CTNNA3: variants seen among roughly 807,000 people sequenced by gnomAD.
The protein encoded by CTNNA3 is catenin alpha-3.
In CTNNA3, 76 loss-of-function variants were observed where a neutral mutation model predicts 95.7. The ratio of observed to expected loss-of-function variants is 0.79; its 90% confidence interval spans 0.66 to 0.96. The LOEUF (loss-of-function observed/expected upper bound fraction) is 0.96, where lower values mean the gene tolerates loss of function less well. Among genes scored for constraint, CTNNA3 ranks in the 40% least tolerant of loss-of-function variants. The pLI is 0.00. For synonymous variants in CTNNA3, 431 were observed against 374.4 expected, an observed-to-expected ratio of 1.15 and a Z score of -1.74; for missense variants, 1,191 against 1,089.8, an observed-to-expected ratio of 1.09 and a Z score of -1.31.
intron 7 of CTNNA3, among the ~76,000 whole-genome samples, chr10:66,915,012 T>C (rs1323763947): frequency 1.3e-5 from 2 of 151,546 alleles, no homozygotes; most frequent in African/African-American, 2.4e-5. Flanking sequence ...AGATGGAAAA[T>C]AGGAAAGAAA....
At chr10:67,412,643 G>C (rs939597775) in intron 5 of CTNNA3, among the ~76,000 whole-genome samples, 1 of 152,034 alleles carries the variant, frequency 6.6e-6, no homozygotes, top group African/African-American at 2.4e-5. Flanking sequence ...ATCCCACCAG[G>C]CTAGAAGCAG....
At chr10:66,449,922 T>G (rs2131820594) in intron 11 of CTNNA3, among the ~76,000 whole-genome samples, 1 of 152,228 alleles carries the variant, frequency 6.6e-6, no homozygotes, top group Non-Finnish European at 1.5e-5. Context: ...CAATAGAACA[T>G]AATATTGGCT....
At chr10:66,615,945 T>C (rs190690665) in intron 10 of CTNNA3, among the ~76,000 whole-genome samples, 116 of 152,156 alleles carry the variant, frequency 7.6e-4, no homozygotes, top group Admixed American at 2.6e-3. Flanking sequence ...ATTCTACCTT[T>C]CTCAGTTTTG....
intron 10 of CTNNA3, among the ~76,000 whole-genome samples, chr10:66,605,221 C>T (rs540118138): frequency 2.0e-5 from 3 of 151,908 alleles, no homozygotes; most frequent in Non-Finnish European, 4.4e-5. Context: ...AGGCTGAAGA[C>T]TAGCTTTCTA....
intron 10 of CTNNA3, among the ~76,000 whole-genome samples, chr10:66,550,544 CA>C (rs1174232500): frequency 6.6e-6 from 1 of 152,118 alleles, no homozygotes; most frequent in Non-Finnish European, 1.5e-5. Flanking sequence ...TTAGCTGAGA[CA>C]GACACCATAT....
chr10:67,024,921 C>T (rs1322809264), intron 7 of CTNNA3, among the ~76,000 whole-genome samples: 5 of 151,710 alleles, frequency 3.3e-5, no homozygotes, highest in South Asian at 2.1e-4. Context: ...ACCTGAGGTC[C>T]GGAGTTTGAG....
intron 2 of CTNNA3, among the ~76,000 whole-genome samples, chr10:67,621,778 C>T (rs899390920): frequency 5.3e-5 from 8 of 150,494 alleles, no homozygotes; most frequent in African/African-American, 1.2e-4. Flanking sequence ...GAAAAGAAAA[C>T]GGTCAGTCTA....
chr10:67,046,895 C>G (rs1204731396), intron 7 of CTNNA3, among the ~76,000 whole-genome samples: 1 of 152,060 alleles, frequency 6.6e-6, no homozygotes. Flanking sequence ...CACTGCCTTC[C>G]TTTTACATTG....
intron 1 of CTNNA3, among the ~76,000 whole-genome samples, chr10:67,685,029 G>A (rs1840703159): frequency 6.6e-6 from 1 of 152,216 alleles, no homozygotes; most frequent in Admixed American, 6.5e-5. Flanking sequence ...CAGTGAGGAG[G>A]TCTAAGCCTC....
chr10:67,180,348 AGAGCCTG>A lies in CTNNA3; in HGVS notation c.1009_1015del (p.Gln337PhefsTer9). 1.2e-6 allele frequency: 2 copies of A among 1,613,660 alleles called. No homozygotes were observed. ...CATGTACTCTGAAAGCAGATCCTGA[AGAGCCTG>A]GCGAATGGCGTTGCATTCTGCGATA... On this transcript the variant is annotated frameshift_variant, in exon 7 of 18. Coordinates refer to ENST00000433211, the MANE Select transcript of CTNNA3 (RefSeq NM_013266.4). LOFTEE classifies it high-confidence loss of function.
chr10:66,593,068 T>C (rs907682039), intron 10 of CTNNA3, among the ~76,000 whole-genome samples: 8 of 152,158 alleles, frequency 5.3e-5, no homozygotes, highest in African/African-American at 1.9e-4. Flanking sequence ...ATTTGAGCCA[T>C]ATTATGGAAT....
chr10:66,509,876 G>A (rs1299684498), intron 11 of CTNNA3, among the ~76,000 whole-genome samples: 1 of 151,716 alleles, frequency 6.6e-6, no homozygotes, highest in African/African-American at 2.4e-5. Context: ...ATTGCATTGG[G>A]TATTTGGGGT....
At chr10:67,709,929 A>G (rs1841097557) in intron 1 of CTNNA3, among the ~76,000 whole-genome samples, 1 of 152,182 alleles carries the variant, frequency 6.6e-6, no homozygotes. Context: ...TTTAACAAAT[A>G]TCACTTGTTA....
At chr10:67,262,994 C>G (rs1866679657) in intron 5 of CTNNA3, among the ~76,000 whole-genome samples, 1 of 152,228 alleles carries the variant, frequency 6.6e-6, no homozygotes, top group Non-Finnish European at 1.5e-5. Flanking sequence ...TAACATCTTA[C>G]TTGTATAGGA....
chr10:66,730,594 T>C (rs1286367262), intron 9 of CTNNA3, among the ~76,000 whole-genome samples: 1 of 152,196 alleles, frequency 6.6e-6, no homozygotes, highest in Non-Finnish European at 1.5e-5. Context: ...TTTGCACATG[T>C]ACCCCTGAAC....
At chr10:66,834,332 T>C (rs1002272137) in intron 7 of CTNNA3, among the ~76,000 whole-genome samples, 3 of 152,210 alleles carry the variant, frequency 2.0e-5, no homozygotes, top group African/African-American at 7.2e-5. Flanking sequence ...CCACTGTGTA[T>C]CCTGACTGTG....
intron 3 of CTNNA3, among the ~76,000 whole-genome samples, chr10:67,544,970 G>A (rs181141214): frequency 2.2e-4 from 34 of 152,270 alleles, no homozygotes; most frequent in African/African-American, 8.2e-4. Flanking sequence ...GACATGAGCA[G>A]CCAGTCACTG....
chr10:67,586,487 C>T (rs999608460), intron 3 of CTNNA3, among the ~76,000 whole-genome samples: 25 of 152,092 alleles, frequency 1.6e-4, no homozygotes, highest in African/African-American at 5.3e-4. Context: ...AATACGGGTG[C>T]TCCAGGATTG....
chr10:66,866,169 C>T (rs1414726808), intron 7 of CTNNA3, among the ~76,000 whole-genome samples: 1 of 152,184 alleles, frequency 6.6e-6, no homozygotes, highest in African/African-American at 2.4e-5. Flanking sequence ...CACATAGTCA[C>T]AAAGCTAGTT....
Sources: allele counts gnomAD v4.1 joint callset (sites outside exome capture counted in the v4.1 genomes callset), GRCh38; gene constraint gnomAD v4.1.1; transcripts MANE v1.5; gene names NCBI Gene and HGNC (gene_info 2026-07-23, HGNC 2026-07-21).